The following EIPR1 variants were observed in gnomAD, a reference collection of about 807,000 sequenced individuals.
The protein encoded by EIPR1 is EARP complex and GARP complex interacting protein 1.
EIPR1 carries 25 observed loss-of-function variants against 48.1 expected under a neutral mutation model. The ratio of observed to expected loss-of-function variants is 0.52; its 90% CI spans 0.38 to 0.73. The LOEUF (loss-of-function observed/expected upper bound fraction) is 0.73, where lower values mean the gene tolerates loss of function less well. Ranked by LOEUF, EIPR1 falls within the 30% of genes least tolerant of loss-of-function variation. The probability of loss-of-function intolerance (pLI) is 0.00; values close to 1 mark genes in which losing one functional copy is unlikely to be tolerated. For synonymous variants in EIPR1, 204 were observed against 201.9 expected, an observed-to-expected ratio of 1.01 and a Z score of -0.09; for missense variants, 415 against 506.2, an observed-to-expected ratio of 0.82 and a Z score of 1.73.
chr2:3,224,913 C>G (rs1428561940), intron 4 of EIPR1, among the ~76,000 whole-genome samples: 1 of 152,230 alleles, frequency 6.6e-6, no homozygotes, highest in Non-Finnish European at 1.5e-5. Context: ...AGCTCCTCCA[C>G]TGGGGGCTGC....
chr2:3,290,282 G>A (rs529574869), intron 3 of EIPR1, among the ~76,000 whole-genome samples: 86 of 152,316 alleles, frequency 5.6e-4, no homozygotes, highest in South Asian at 1.0e-3. Context: ...TGGTGGATGC[G>A]TAATTATGAC....
At chr2:3,255,156 G>T (rs1448630808) in intron 4 of EIPR1, among the ~76,000 whole-genome samples, 1 of 151,756 alleles carries the variant, frequency 6.6e-6, no homozygotes, top group Non-Finnish European at 1.5e-5. Context: ...AGTTGAATTT[G>T]CCTGTTTAAT....
chr2:3,209,204 G>A (rs527841626), intron 5 of EIPR1, among the ~76,000 whole-genome samples: 1 of 152,306 alleles, frequency 6.6e-6, no homozygotes, highest in South Asian at 2.1e-4. Context: ...ACGCAGTGGG[G>A]CTCCCTGGGG....
At chr2:3,262,621 G>A (rs1667368511) in intron 3 of EIPR1, among the ~76,000 whole-genome samples, 3 of 152,356 alleles carry the variant, frequency 2.0e-5, no homozygotes, top group East Asian at 1.9e-4. Context: ...TAGTAGACCT[G>A]CTGGTGTGGA....
intron 3 of EIPR1, among the ~76,000 whole-genome samples, chr2:3,305,197 C>T (rs1284956002): frequency 1.4e-5 from 2 of 146,358 alleles, no homozygotes; most frequent in Non-Finnish European, 1.5e-5. Flanking sequence ...CCAGTTCAAC[C>T]TTCCACTCCC....
chr2:3,204,819 C>T (rs550474492), intron 5 of EIPR1, among the ~76,000 whole-genome samples: 1 of 152,328 alleles, frequency 6.6e-6, no homozygotes, highest in South Asian at 2.1e-4. Flanking sequence ...ACAGAGAACA[C>T]AGCACTGCGC....
intron 3 of EIPR1, among the ~76,000 whole-genome samples, chr2:3,284,826 G>C (rs1427936329): frequency 6.6e-6 from 1 of 152,124 alleles, no homozygotes; most frequent in Non-Finnish European, 1.5e-5. Flanking sequence ...GCCAGCAGCA[G>C]AGTCAGAGGA....
chr2:3,369,458 G>A (rs747963894), intron 1 of EIPR1, among the ~76,000 whole-genome samples: 1 of 152,182 alleles, frequency 6.6e-6, no homozygotes, highest in Non-Finnish European at 1.5e-5. Context: ...AAGTGCAAGG[G>A]GTCAGGGAGT....
chr2:3,335,966 G>T (rs1400211725), intron 3 of EIPR1, among the ~76,000 whole-genome samples: 1 of 152,186 alleles, frequency 6.6e-6, no homozygotes, highest in Non-Finnish European at 1.5e-5. Flanking sequence ...CGACTGTCAG[G>T]AGAGTGTGCC....
chr2:3,196,820 C>G, intron 6 of EIPR1, 61 bp downstream of exon 6: 1 of 1,591,112 alleles, frequency 6.3e-7, no homozygotes, highest in Non-Finnish European at 8.6e-7. Context: ...CCACCATCAT[C>G]CCGGTTCTGC....
chr2:3,315,004 C>G (rs1436149524), intron 3 of EIPR1, among the ~76,000 whole-genome samples: 1 of 151,656 alleles, frequency 6.6e-6, no homozygotes, highest in East Asian at 1.9e-4. Context: ...ACTGCATCCC[C>G]TCGTGCTGCA....
intron 3 of EIPR1, among the ~76,000 whole-genome samples, chr2:3,317,014 G>C (rs1377161306): frequency 6.6e-6 from 1 of 152,160 alleles, no homozygotes; most frequent in Non-Finnish European, 1.5e-5. Context: ...ATGAAGCACT[G>C]ACCAAGCTGA....
At chr2:3,208,631 A>T in intron 5 of EIPR1, 1 of 1,550,646 alleles carries the variant, frequency 6.4e-7, no homozygotes, top group Non-Finnish European at 8.7e-7. Context: ...TGGCCATGGC[A>T]TTCTGGTATG....
chr2:3,319,675 C>CA (rs1237013708), intron 3 of EIPR1: 4 of 156,196 alleles, frequency 2.6e-5, no homozygotes, highest in Non-Finnish European at 5.5e-5. Flanking sequence ...CAGCAAACAA[C>CA]ACTGCACCTG....
At chr2:3,208,835 G>C (rs1325602507) in intron 5 of EIPR1, 2 of 1,549,058 alleles carry the variant, frequency 1.3e-6, no homozygotes, top group Non-Finnish European at 1.7e-6. Context: ...GCAGGTGCAG[G>C]TGTCTGGGGC....
intron 1 of EIPR1, among the ~76,000 whole-genome samples, chr2:3,366,287 G>GA (rs1262376972): frequency 3.9e-5 from 6 of 152,238 alleles, no homozygotes; most frequent in African/African-American, 1.4e-4. Context: ...CAGCCTGGGT[G>GA]ACAGCAAAAA....
intron 1 of EIPR1, among the ~76,000 whole-genome samples, chr2:3,359,717 G>A (rs1670809079): frequency 6.6e-6 from 1 of 152,096 alleles, no homozygotes; most frequent in African/African-American, 2.4e-5. Context: ...ATGATAAAAT[G>A]ACCACTAAGT....
At chr2:3,298,742 C>T (rs950053147) in intron 3 of EIPR1, among the ~76,000 whole-genome samples, 4 of 152,016 alleles carry the variant, frequency 2.6e-5, no homozygotes, top group African/African-American at 4.8e-5. Flanking sequence ...CTAAGGTGCT[C>T]GGGCTCTCCA....
intron 4 of EIPR1, among the ~76,000 whole-genome samples, chr2:3,226,065 C>T (rs1021549305): frequency 6.6e-6 from 1 of 152,210 alleles, no homozygotes; most frequent in Admixed American, 6.5e-5. Flanking sequence ...GTATTTTCTA[C>T]ATCTTGGCTA....
Sources: gnomAD v4.1 joint callset for allele counts (sites outside exome capture counted in the v4.1 genomes callset) on GRCh38, gnomAD v4.1.1 for gene constraint, MANE v1.5 for transcripts, NCBI Gene and HGNC (gene_info 2026-07-23, HGNC 2026-07-21) for gene names.